Variants in LIFR observed in about 807,000 individuals in gnomAD.
LIFR encodes the protein leukemia inhibitory factor receptor.
LIFR carries 84 observed loss-of-function variants against 122.2 expected under a neutral mutation model. The ratio of observed to expected loss-of-function variants is 0.69; its 90% confidence interval spans 0.58 to 0.82. LIFR has a LOEUF of 0.82. Among genes scored for constraint, LIFR ranks in the 40% least tolerant of loss-of-function variants. The pLI is 0.00. For missense variants in LIFR, 1,294 were observed against 1,311.6 expected (o/e 0.99, Z 0.21); for synonymous variants, 422 against 434.7 (o/e 0.97, Z 0.36).
rs201572854 is a variant in LIFR, at chr5:38,582,522, T to TTA, written c.-20+12737_-20+12738dup. On this transcript the variant is annotated intron_variant, in intron 1 of 19. Transcript: ENST00000263409. ...TATTTATGCAAACAGCCTTGGGCAT[T>TTA]TATATATATATAATATTCAAATTAA... 7.8e-4 allele frequency among the ~76,000 whole-genome samples: 118 copies of TTA among 151,992 alleles called. 1 individual carries two copies. The highest frequency in any genetic ancestry group is 7.1e-3 in the East Asian group (37 of 5,182).
chr5:38,551,809 T>C (rs1258169266), intron 1 of LIFR, among the ~76,000 whole-genome samples: 1 of 152,206 alleles, frequency 6.6e-6, no homozygotes, highest in African/African-American at 2.4e-5. Context: ...AAGCATAGAA[T>C]AGTATCTCCC....
chr5:38,478,174 A>T lies in LIFR; in HGVS notation c.*3421T>A, dbSNP rs1166362152. 2 of 208,628 alleles carry T rather than the reference A, an allele frequency of 9.6e-6. No individual in the cohort carries two copies. The highest frequency in any genetic ancestry group is 4.5e-5 in the African/African-American group (2 of 44,024). The allele number at this position is 208,628 out of a possible 1,614,324, so 12.9% of individuals were successfully genotyped here. A position where few individuals can be genotyped will look rare whatever the true frequency, so the allele number is the denominator to read the frequency against. On this transcript the variant is annotated 3_prime_UTR_variant, in exon 20 of 20. Coordinates refer to ENST00000453190, the MANE Select transcript of LIFR (RefSeq NM_001127671.2). ...TGTTTGTTAAATATGGACGGCATGA[A>T]GACAATTAAGAAACTATAGGACTTA...
intron 7 of LIFR, among the ~76,000 whole-genome samples, chr5:38,509,913 T>A (rs945678857): frequency 6.6e-6 from 1 of 152,176 alleles, no homozygotes; most frequent in Non-Finnish European, 1.5e-5. Context: ...AATAGACACC[T>A]TGAATGACAG....
rs75544672 is a variant in LIFR at position 38,533,898 on chromosome 5, G to T, written c.-19-3232C>A. On this transcript the variant is annotated intron_variant, in intron 1 of 19. Coordinates refer to ENST00000453190, the MANE Select transcript of LIFR (RefSeq NM_001127671.2). ...CAGCCCAAAGCATCTTTTATCTCAA[G>T]AATCTATCTTTTTGCCATACAATAA... Among the ~76,000 whole-genome samples, 286 of 152,308 alleles carry T rather than the reference G, an allele frequency of 1.9e-3. 3 individuals carry two copies. Among genetic ancestry groups the T allele is most frequent in the African/African-American group, 6.5e-3 (271 of 41,564 alleles).
At chr5:38,527,914 TA>T (rs994252697) in intron 3 of LIFR, among the ~76,000 whole-genome samples, 9 of 152,198 alleles carry the variant, frequency 5.9e-5, no homozygotes, top group Non-Finnish European at 1.2e-4. Flanking sequence ...ATGTTTACTT[TA>T]CTGAAAGGAC....
At position 38,485,981 on chromosome 5, in the gene LIFR, C is replaced by T. The variant is rs1284480987; in HGVS notation, c.2336-1G>A. On this transcript the variant is annotated splice_acceptor_variant, in intron 16 of 19. Transcript: ENST00000453190. LOFTEE classifies it high-confidence loss of function. ...TTCTTAACTTTTATGTCAGAACGAC[C>T]TATTTTTAAAATGAAGTATGTTAGC... is the stretch of plus-strand genomic sequence containing the variant. 2 of 1,611,022 alleles carry T rather than the reference C, an allele frequency of 1.2e-6. No individual in the cohort carries two copies. The highest frequency in any genetic ancestry group is 2.7e-5 in the African/African-American group (2 of 74,844).
intron 7 of LIFR, 47 bp downstream of exon 7, chr5:38,510,417 A>C (rs764945109): frequency 7.9e-5 from 125 of 1,589,630 alleles, no homozygotes; most frequent in Non-Finnish European, 1.0e-4. Context: ...TTCAAGGAAG[A>C]CCAAAACAGG....
chr5:38,483,410 G>A (rs924291803), intron 18 of LIFR, among the ~76,000 whole-genome samples: 1 of 151,758 alleles, frequency 6.6e-6, no homozygotes, highest in African/African-American at 2.4e-5. Flanking sequence ...TACTTTAATA[G>A]TTGGGTTTTT....
chr5:38,513,644 C>G (rs1206606051), intron 5 of LIFR, among the ~76,000 whole-genome samples: 1 of 152,104 alleles, frequency 6.6e-6, no homozygotes, highest in East Asian at 1.9e-4. Context: ...TAATCCTCAC[C>G]AGGTAATAGT....
rs1056813184 is a variant in LIFR, at chr5:38,476,857, A to C, written c.*4738T>G. 1 of 212,970 alleles carries C rather than the reference A, an allele frequency of 4.7e-6. No individual in the cohort carries two copies. The highest frequency in any genetic ancestry group is 1.9e-4 in the South Asian group (1 of 5,362). 13.2% of individuals were successfully genotyped at this position (212,970 alleles called of 1,614,324 possible). On this transcript the variant is annotated 3_prime_UTR_variant, in exon 20 of 20. Coordinates refer to ENST00000453190, the MANE Select transcript of LIFR (RefSeq NM_001127671.2). ...GTTGCACAGTTAGAATTTGTCTTGC[A>C]TAGGTAAATTCTGTTTATAACATGG...
chr5:38,493,423 A>C (rs1291008722), intron 14 of LIFR, among the ~76,000 whole-genome samples, 183 bp downstream of exon 14: 1 of 152,206 alleles, frequency 6.6e-6, no homozygotes, highest in African/African-American at 2.4e-5. Flanking sequence ...TTTCTAGACC[A>C]GTAATTACCA....
chr5:38,510,554 T>C lies in LIFR; in HGVS notation c.901A>G (p.Ile301Val). The C allele has an allele frequency of 6.2e-7, 1 of 1,614,006 alleles. No individual in the cohort carries two copies. The highest frequency in any genetic ancestry group is 8.5e-7 in the Non-Finnish European group (1 of 1,179,948). Reference sequence around the variant, plus strand: ...CTTGCAGAAACAGAAATATTACGAATCTTGATTGCAACATTTTCCCCATCA... The same window carrying C: ...CTTGCAGAAACAGAAATATTACGAACCTTGATTGCAACATTTTCCCCATCA... The part of the protein sequence containing the change: ...HLDGENVAIK[I>V]RNISVSASSG... Residue 301 changes from isoleucine to valine, a missense_variant, in exon 7 of 20, where the codon ATT (isoleucine) becomes GTT (valine). Coordinates refer to ENST00000453190, the MANE Select transcript of LIFR (RefSeq NM_001127671.2).
At chr5:38,570,042 G>A (rs75916090) in intron 1 of LIFR, among the ~76,000 whole-genome samples, 6 of 152,098 alleles carry the variant, frequency 3.9e-5, no homozygotes, top group Admixed American at 3.9e-4. Flanking sequence ...ATAGCAGAGG[G>A]GTTACCAGCA....
chr5:38,547,912 G>A (rs1015789285), intron 1 of LIFR, among the ~76,000 whole-genome samples: 1 of 152,148 alleles, frequency 6.6e-6, no homozygotes. Flanking sequence ...CAGAACGGAA[G>A]TATTTGGGTA....
intron 2 of LIFR, 128 bp downstream of exon 2, chr5:38,530,378 G>T (rs1360381497): frequency 1.1e-5 from 7 of 665,658 alleles, no homozygotes; most frequent in Non-Finnish European, 1.7e-5. Flanking sequence ...ATAGAAAAAA[G>T]ATGACAAAAA....
At chr5:38,518,038 G>C (rs965410197) in intron 5 of LIFR, among the ~76,000 whole-genome samples, 28 of 151,002 alleles carry the variant, frequency 1.9e-4, no homozygotes, top group Admixed American at 1.8e-3. Context: ...GTATCCCTTA[G>C]GAGTTTGAGG....
intron 1 of LIFR, 96 bp from the exon 2 acceptor site, chr5:38,530,762 C>CTATT: frequency 8.3e-6 from 9 of 1,085,084 alleles, no homozygotes; most frequent in Non-Finnish European, 1.3e-5. Flanking sequence ...CTGACAGATT[C>CTATT]TGAAACACTG....
At chr5:38,525,144 C>T (rs1335208915) in intron 4 of LIFR, among the ~76,000 whole-genome samples, 3 of 152,172 alleles carry the variant, frequency 2.0e-5, no homozygotes, top group African/African-American at 7.2e-5. Flanking sequence ...AAATCATTAA[C>T]TCTCCCTAAG....
chr5:38,536,227 A>G (rs1388788930), intron 1 of LIFR, among the ~76,000 whole-genome samples: 2 of 152,212 alleles, frequency 1.3e-5, no homozygotes, highest in Non-Finnish European at 1.5e-5. Context: ...TTAAGAATGA[A>G]ATAAAAATAC....
Sources: allele counts gnomAD v4.1 joint callset (sites outside exome capture counted in the v4.1 genomes callset), GRCh38; gene constraint gnomAD v4.1.1; transcripts MANE v1.5; gene names NCBI Gene and HGNC (gene_info 2026-07-23, HGNC 2026-07-21).